Variants in AARS1 observed in about 807,000 individuals in gnomAD.
The protein encoded by AARS1 is alanine--tRNA ligase, cytoplasmic.
Under a neutral mutation model 108.9 loss-of-function variants are expected in AARS1, and 72 were observed. That is an observed-to-expected ratio of 0.66 (90% CI 0.55 to 0.80). AARS1 has a LOEUF of 0.80. Ranked by LOEUF, AARS1 falls within the 30% of genes least tolerant of loss-of-function variation. The pLI, the probability that AARS1 is intolerant of heterozygous loss-of-function variation, is 0.00. For synonymous variants in AARS1, 489 were observed against 465.7 expected (o/e 1.05, Z -0.64); for missense variants, 1,193 against 1,233.2 (o/e 0.97, Z 0.49).
At chr16:70,263,684 G>GA (rs1247134884) in intron 11 of AARS1, among the ~76,000 whole-genome samples, 1 of 152,008 alleles carries the variant, frequency 6.6e-6, no homozygotes, top group African/African-American at 2.4e-5. Context: ...GCCCAGGCTG[G>GA]AGTGCAGTGG....
chr16:70,253,615 G>T, intron 19 of AARS1, 99 bp downstream of exon 19: 1 of 1,374,992 alleles, frequency 7.3e-7, no homozygotes, highest in Non-Finnish European at 1.0e-6. Context: ...CAGACCGTGG[G>T]CCCTTAGGCA....
intron 17 of AARS1, 46 bp from the exon 18 acceptor site, chr16:70,254,084 G>A (rs1457987136): frequency 6.2e-7 from 1 of 1,610,962 alleles, no homozygotes; most frequent in Non-Finnish European, 8.5e-7. Context: ...CAACTTGCTG[G>A]GATGTCAGGG....
rs562469016 is a variant in AARS1, at chr16:70,273,628, C to G, written c.480-1656G>C. ...CTGTAATCCCAGCACTTTGGGAGGC[C>G]AAGGCAGGCCGATCATGAGGTCATG... On this transcript the variant is annotated intron_variant, in intron 4 of 20. Coordinates refer to ENST00000261772, the MANE Select transcript of AARS1 (RefSeq NM_001605.3). Among the ~76,000 whole-genome samples the G allele has an allele frequency of 2.6e-4, 40 of 151,990 alleles. 1 individual carries two copies. The South Asian group carries it at 8.1e-3, about 31-fold the overall frequency.
chr16:70,279,459 A>G (rs1174876389), intron 2 of AARS1, among the ~76,000 whole-genome samples: 1 of 151,570 alleles, frequency 6.6e-6, no homozygotes, highest in African/African-American at 2.4e-5. Context: ...CAGGAGTTCC[A>G]GACCAGCCTG....
At position 70,252,838 on chromosome 16, in the gene AARS1, T is replaced by G; in HGVS notation, c.2790A>C (p.Lys930Asn). 6.2e-7 allele frequency: 1 copy of G among 1,614,156 alleles called. No homozygotes were observed. Among genetic ancestry groups the G allele is most frequent in the Non-Finnish European group, 8.5e-7 (1 of 1,180,030 alleles). ...VQQVSGLMDG[K>N]GGGKDVSAQA... is the part of the protein sequence containing the mutation. ...GTGCAGACACATCCTTGCCACCACC[T>G]TTACCGTCCATCAAGCCTGACACCT... The change falls in exon 21 of 21, where the codon AAA becomes AAC. Residue 930 changes from lysine to asparagine, a missense_variant. Transcript: ENST00000261772.
intron 4 of AARS1, among the ~76,000 whole-genome samples, chr16:70,274,850 A>G (rs541890556): frequency 6.6e-6 from 1 of 152,256 alleles, no homozygotes; most frequent in Non-Finnish European, 1.5e-5. Context: ...ATGATGATTG[A>G]GGGAACTTCC....
chr16:70,270,264 C>A lies in AARS1; in HGVS notation c.748G>T (p.Val250Leu), dbSNP rs765240980. The A allele has an allele frequency of 1.2e-6, 2 of 1,614,182 alleles. No homozygotes were observed. The highest frequency in any genetic ancestry group is 2.2e-5 in the South Asian group (2 of 91,082). Residue 250 changes from valine to leucine, a missense_variant, in exon 6 of 21, where the codon GTG becomes TTG. By Grantham distance (32) the Val-to-Leu change is conservative (BLOSUM62 1). Transcript: ENST00000261772. ...TAGTTGGACATCTTATTCTGCAGCA[C>A]AGATACCAGTCGTTCCAGGCCCATC... ...TGMGLERLVS[V>L]LQNKMSNYDT...
intron 2 of AARS1, 101 bp from the exon 3 acceptor site, chr16:70,277,255 C>A: frequency 2.5e-6 from 3 of 1,190,976 alleles, no homozygotes; most frequent in Non-Finnish European, 3.7e-6. Context: ...CTGTGCAGTT[C>A]ATGATTAACA....
At chr16:70,254,885 C>A (rs753099333) in intron 16 of AARS1, 151 bp from the exon 17 acceptor site, 3 of 659,298 alleles carry the variant, frequency 4.6e-6, no homozygotes, top group Non-Finnish European at 8.3e-6. Flanking sequence ...GTGCTGGCAG[C>A]CCCAGGCCCC....
At chr16:70,275,741 T>C (rs886817535) in intron 4 of AARS1, among the ~76,000 whole-genome samples, 6 of 146,254 alleles carry the variant, frequency 4.1e-5, no homozygotes, top group Non-Finnish European at 9.0e-5. Flanking sequence ...CCAGCCTGGG[T>C]GACAGAGCGA....
chr16:70,269,918 A>G (rs1164466828), intron 6 of AARS1, among the ~76,000 whole-genome samples, 155 bp from the exon 7 acceptor site: 1 of 132,974 alleles, frequency 7.5e-6, no homozygotes, highest in Non-Finnish European at 1.5e-5. Context: ...GGGGAAGTAG[A>G]GAGACTCCAG....
intron 2 of AARS1, among the ~76,000 whole-genome samples, chr16:70,279,220 G>A (rs1960628975): frequency 6.6e-6 from 1 of 151,626 alleles, no homozygotes; most frequent in Admixed American, 6.6e-5. Context: ...CATGGTGGGG[G>A]GGTGCCTGTA....
rs753213408 is a variant in AARS1, at chr16:70,258,224, G to A, written c.1993-7C>T. 8.9e-6 allele frequency: 14 copies of A among 1,580,928 alleles called. No individual in the cohort carries two copies. The highest frequency in any genetic ancestry group is 1.2e-5 in the Non-Finnish European group (14 of 1,162,498). On this transcript the variant is annotated splice_polypyrimidine_tract_variant and splice_region_variant and intron_variant, in intron 14 of 20. Transcript: ENST00000261772. ...AATCCTGGGTATAGACGGCCTGCCA[G>A]ACCAAGAAGACAGAAAAGAGCTGGA...
In AARS1 at chr16:70,269,736, T is replaced by G; in HGVS notation, c.844A>C (p.Lys282Gln). 1 of 1,614,084 alleles carries G rather than the reference T, an allele frequency of 6.2e-7. No individual in the cohort carries two copies. Among genetic ancestry groups the G allele is most frequent in the Non-Finnish European group, 8.5e-7 (1 of 1,180,016 alleles). The change falls in exon 7 of 21, where the codon AAA becomes CAA. Residue 282 changes from lysine to glutamine, a missense_variant. Physicochemically the swap from Lys to Gln is moderately conservative, Grantham distance 53 (BLOSUM62 1). Transcript: ENST00000261772. ...KGTGARPYTG[K>Q]VGAEDADGID... is the part of the protein sequence containing the mutation. ...CCATCGGCATCCTCAGCACCAACTT[T>G]CCCAGTGTATGGTCGGGCACCTGTG...
rs544591628 is a variant in AARS1 at position 70,272,413 on chromosome 16, G to A, written c.480-441C>T. Among the ~76,000 whole-genome samples the A allele has an allele frequency of 1.0e-4, 15 of 143,650 alleles. No individual in the cohort carries two copies. In the East Asian group the frequency reaches 3.3e-3, roughly 32 times the overall value. The allele number at this position is 143,650 out of a possible 152,430, so 94.2% of individuals were successfully genotyped here. The stretch of plus-strand genomic sequence containing the variant: ...CCCAGCTACTCGGGAGGCTGAGGCA[G>A]GAGAATCACTAGAACCCAGGAGGCA... On this transcript the variant is annotated intron_variant, in intron 4 of 20. Transcript: ENST00000261772.
Position 70,261,060 on chromosome 16 carries a change from C to A in AARS1, c.1769G>T (p.Trp590Leu), listed in dbSNP as rs1960120428. ...YGDLKVGDQVWLFIDEPRRRP... is the reference protein window; with the variant it reads ...YGDLKVGDQVLLFIDEPRRRP... ...CCAACTCACCTCATCAATAAACAGCCAGACCTGATCCCCCACTTTCAGGTC... is the reference window on the plus strand; with the variant it reads ...CCAACTCACCTCATCAATAAACAGCAAGACCTGATCCCCCACTTTCAGGTC... The change falls in exon 13 of 21, where the codon TGG (tryptophan) becomes TTG (leucine). Residue 590 changes from tryptophan (W) to leucine (L), a missense_variant. Transcript: ENST00000261772. 1 of 1,613,394 alleles carries A rather than the reference C, an allele frequency of 6.2e-7. No individual in the cohort carries two copies. Among genetic ancestry groups the A allele is most frequent in the Non-Finnish European group, 8.5e-7 (1 of 1,179,622 alleles).
At chr16:70,278,643 G>A (rs910628232) in intron 2 of AARS1, among the ~76,000 whole-genome samples, 4 of 151,652 alleles carry the variant, frequency 2.6e-5, no homozygotes, top group South Asian at 2.1e-4. Context: ...ATAATCACAC[G>A]ACTGACGGCT....
intron 5 of AARS1, among the ~76,000 whole-genome samples, chr16:70,271,174 C>CCAAAAA (rs546428020): frequency 3.3e-5 from 5 of 149,302 alleles, no homozygotes; most frequent in East Asian, 2.0e-4. Context: ...GACTCCATCT[C>CCAAAAA]CAAAAACAAA....
In AARS1 at chr16:70,255,708, A is replaced by G. The variant is rs1301332157; in HGVS notation, c.2286+20T>C. ...TCTTGCCTTCTTCAGATAAGCCACA[A>G]ACCAGCCTGACCTGCTCACCTTCTG... On this transcript the variant is annotated intron_variant, in intron 16 of 20. Coordinates refer to ENST00000261772, the MANE Select transcript of AARS1 (RefSeq NM_001605.3). 1.9e-6 allele frequency: 3 copies of G among 1,612,180 alleles called. No individual in the cohort carries two copies.
Sources: allele counts gnomAD v4.1 joint callset (sites outside exome capture counted in the v4.1 genomes callset), GRCh38; gene constraint gnomAD v4.1.1; transcripts MANE v1.5; gene names NCBI Gene and HGNC (gene_info 2026-07-23, HGNC 2026-07-21).